FAM135B: variants seen among roughly 807,000 people sequenced by gnomAD.
The protein encoded by FAM135B is family with sequence similarity 135 member B.
A neutral mutation model predicts 127.7 loss-of-function variants in FAM135B; 43 were observed. That is an observed-to-expected ratio of 0.34 (90% CI 0.26 to 0.43). The LOEUF (loss-of-function observed/expected upper bound fraction) is 0.43. Ranked by LOEUF, FAM135B falls within the 20% of genes least tolerant of loss-of-function variation. The pLI is 1.00. For missense variants in FAM135B, 1,558 were observed against 1,725.6 expected (o/e 0.90, Z 1.72); for synonymous variants, 670 against 665.1 (o/e 1.01, Z -0.11).
chr8:138,467,741 T>A (rs1379173094), intron 1 of FAM135B, among the ~76,000 whole-genome samples: 1 of 152,204 alleles, frequency 6.6e-6, no homozygotes, highest in East Asian at 1.9e-4. Flanking sequence ...TTAAAGAGAA[T>A]AAAGATATAA....
At chr8:138,359,357 A>G (rs936053917) in intron 2 of FAM135B, among the ~76,000 whole-genome samples, 1 of 152,204 alleles carries the variant, frequency 6.6e-6, no homozygotes, top group Non-Finnish European at 1.5e-5. Context: ...TGAACAACTG[A>G]AAAGTCATGA....
intron 9 of FAM135B, among the ~76,000 whole-genome samples, chr8:138,194,248 C>G (rs1816421027): frequency 6.6e-6 from 1 of 152,170 alleles, no homozygotes; most frequent in Admixed American, 6.5e-5. Context: ...AGGCTGCCGT[C>G]CAACAGCCCC....
intron 1 of FAM135B, among the ~76,000 whole-genome samples, chr8:138,448,403 T>C (rs1175731825): frequency 6.6e-6 from 1 of 152,136 alleles, no homozygotes; most frequent in African/African-American, 2.4e-5. Flanking sequence ...ACTCCTTCTG[T>C]CTGTCATTTT....
At chr8:138,147,768 C>A (rs16908363) in intron 14 of FAM135B, among the ~76,000 whole-genome samples, 28,460 of 152,058 alleles carry the variant, frequency 0.19, 2,682 homozygotes, top group East Asian at 0.23. Context: ...TCATCTTTCA[C>A]ATGCATGATG....
Position 138,188,249 on chromosome 8 carries a change from A to G in FAM135B, c.873+7009T>C, listed in dbSNP as rs181697673. On this transcript the variant is annotated intron_variant, in intron 9 of 19. Coordinates refer to ENST00000395297, the MANE Select transcript of FAM135B (RefSeq NM_015912.4). Reference sequence around the variant, plus strand: ...TCCTGAGTTCTCTGAGCCATTCACCAAATTATTAACCTAGAGGAGGGCATC... The same window carrying G: ...TCCTGAGTTCTCTGAGCCATTCACCGAATTATTAACCTAGAGGAGGGCATC... Among the ~76,000 whole-genome samples, 98 of 152,328 alleles carry G rather than the reference A, an allele frequency of 6.4e-4. 2 individuals carry two copies. Among genetic ancestry groups the G allele is most frequent in the Non-Finnish European group, 1.2e-4 (8 of 68,026 alleles).
intron 1 of FAM135B, among the ~76,000 whole-genome samples, chr8:138,488,639 T>C (rs1311544048): frequency 2.0e-5 from 3 of 151,872 alleles, no homozygotes; most frequent in Non-Finnish European, 4.4e-5. Flanking sequence ...TTTTTGTTTG[T>C]TTTTTTGTGT....
At chr8:138,162,636 A>C (rs1819511413) in intron 12 of FAM135B, among the ~76,000 whole-genome samples, 1 of 152,196 alleles carries the variant, frequency 6.6e-6, no homozygotes. Flanking sequence ...GTCTTTAAAA[A>C]ATGAAAAAAG....
intron 7 of FAM135B, among the ~76,000 whole-genome samples, chr8:138,238,942 A>G (rs988409933): frequency 6.6e-6 from 1 of 152,234 alleles, no homozygotes; most frequent in African/African-American, 2.4e-5. Context: ...TTCAAAGCTA[A>G]GCACTCACAA....
intron 9 of FAM135B, among the ~76,000 whole-genome samples, chr8:138,185,442 A>C (rs896753705): frequency 1.3e-5 from 2 of 152,216 alleles, no homozygotes; most frequent in Admixed American, 1.3e-4. Flanking sequence ...CACGGACTTC[A>C]AAAGGATGTT....
intron 1 of FAM135B, among the ~76,000 whole-genome samples, chr8:138,375,172 G>A (rs993156979): frequency 1.3e-5 from 2 of 152,162 alleles, no homozygotes; most frequent in African/African-American, 2.4e-5. Context: ...GCTGAGCCAG[G>A]GACTAGCAGA....
At chr8:138,291,831 GA>G (rs1311213452) in intron 3 of FAM135B, among the ~76,000 whole-genome samples, 2 of 152,110 alleles carry the variant, frequency 1.3e-5, no homozygotes, top group African/African-American at 2.4e-5. Context: ...ACTCAATGGT[GA>G]AAAGCTGAAA....
At chr8:138,362,620 T>A (rs1270218633) in intron 2 of FAM135B, among the ~76,000 whole-genome samples, 4 of 152,182 alleles carry the variant, frequency 2.6e-5, no homozygotes, top group African/African-American at 9.7e-5. Flanking sequence ...GGTTTCTTCA[T>A]GCCACAGAAG....
At chr8:138,400,443 G>C (rs1392630732) in intron 1 of FAM135B, among the ~76,000 whole-genome samples, 1 of 152,148 alleles carries the variant, frequency 6.6e-6, no homozygotes, top group African/African-American at 2.4e-5. Flanking sequence ...CATAGTCTAA[G>C]ATCTCAGGAT....
chr8:138,241,816 C>T lies in FAM135B; in HGVS notation c.669+1126G>A, dbSNP rs1820799590. Reference sequence around the variant, plus strand: ...TGGTTGAACATTATTCTAGGTAAGCCTGTGAGGGTATGTCTGGATGAACTG... The same window carrying T: ...TGGTTGAACATTATTCTAGGTAAGCTTGTGAGGGTATGTCTGGATGAACTG... On this transcript the variant is annotated intron_variant, in intron 7 of 19. Coordinates refer to ENST00000395297, the MANE Select transcript of FAM135B (RefSeq NM_015912.4). The surrounding 1 kb of genome is among the most constrained non-coding windows in gnomAD (Gnocchi z 4.8). 6.6e-6 allele frequency among the ~76,000 whole-genome samples: 1 copy of T among 152,268 alleles called. No individual in the cohort carries two copies. Among genetic ancestry groups the T allele is most frequent in the East Asian group, 1.9e-4 (1 of 5,172 alleles).
chr8:138,472,109 A>T (rs981226822), intron 1 of FAM135B, among the ~76,000 whole-genome samples: 1 of 152,184 alleles, frequency 6.6e-6, no homozygotes. Flanking sequence ...CCTTGTCAAG[A>T]CTGGGTGTGC....
chr8:138,163,660 T>G (rs144601933), intron 12 of FAM135B, among the ~76,000 whole-genome samples: 21 of 152,292 alleles, frequency 1.4e-4, no homozygotes, highest in East Asian at 3.9e-4. Context: ...CACCGTGTGA[T>G]GCCTCCCTAG....
chr8:138,373,215 G>A (rs1272637308), intron 1 of FAM135B, among the ~76,000 whole-genome samples: 7 of 152,090 alleles, frequency 4.6e-5, no homozygotes, highest in African/African-American at 1.7e-4. Flanking sequence ...CAAATGGAGG[G>A]ACCGGCTGAA....
At chr8:138,172,124 G>A (rs1820516103) in intron 11 of FAM135B, among the ~76,000 whole-genome samples, 1 of 152,196 alleles carries the variant, frequency 6.6e-6, no homozygotes, top group Admixed American at 6.5e-5. Flanking sequence ...AATATTTAAA[G>A]GGAAAAACAA....
intron 9 of FAM135B, among the ~76,000 whole-genome samples, chr8:138,190,427 A>G (rs1176905021): frequency 2.6e-5 from 4 of 152,260 alleles, no homozygotes; most frequent in African/African-American, 7.2e-5. Flanking sequence ...AGAGGGCTTA[A>G]GACTGACAAA....
Sources: allele counts gnomAD v4.1 joint callset (sites outside exome capture counted in the v4.1 genomes callset), GRCh38; gene constraint gnomAD v4.1.1; non-coding constraint Gnocchi (gnomAD v3.1); transcripts MANE v1.5; gene names NCBI Gene and HGNC (gene_info 2026-07-23, HGNC 2026-07-21).